Variants in L3MBTL4 observed in about 807,000 individuals in gnomAD.
L3MBTL4 encodes the protein L3MBTL histone methyl-lysine binding protein 4.
L3MBTL4 carries 70 observed loss-of-function variants against 84.5 expected under a neutral mutation model. That is an observed-to-expected ratio of 0.83 (90% CI 0.68 to 1.01). The LOEUF is 1.01. L3MBTL4 is among the 50% of genes least tolerant of loss of function. The pLI, the probability that L3MBTL4 is intolerant of heterozygous loss-of-function variation, is 0.00. For missense variants in L3MBTL4, 715 were observed against 754.8 expected, an observed-to-expected ratio of 0.95 and a Z score of 0.62; for synonymous variants, 274 against 259.8, an observed-to-expected ratio of 1.05 and a Z score of -0.52.
intron 16 of L3MBTL4, among the ~76,000 whole-genome samples, chr18:6,066,367 C>T (rs1217881467): frequency 2.0e-5 from 3 of 152,016 alleles, no homozygotes; most frequent in African/African-American, 4.8e-5. Flanking sequence ...CCTGTTAAGT[C>T]CATTTGTTCT....
chr18:6,175,369 A>C (rs1462632517), intron 12 of L3MBTL4, among the ~76,000 whole-genome samples: 2 of 152,180 alleles, frequency 1.3e-5, no homozygotes, highest in Non-Finnish European at 2.9e-5. Flanking sequence ...TAAAACAGAG[A>C]AATTTTCAGA....
chr18:5,995,179 C>T (rs917561426), intron 16 of L3MBTL4, among the ~76,000 whole-genome samples: 9 of 152,256 alleles, frequency 5.9e-5, no homozygotes, highest in Admixed American at 5.2e-4. Flanking sequence ...CTTTCCACAG[C>T]GGCGACCACG....
chr18:6,190,753 A>G (rs928199066), intron 12 of L3MBTL4, among the ~76,000 whole-genome samples: 2 of 152,204 alleles, frequency 1.3e-5, no homozygotes, highest in African/African-American at 4.8e-5. Flanking sequence ...GAAAGGTGAG[A>G]GCCGAGTTAG....
intron 12 of L3MBTL4, among the ~76,000 whole-genome samples, chr18:6,184,984 G>A (rs2044654411): frequency 1.3e-5 from 2 of 152,212 alleles, no homozygotes; most frequent in South Asian, 2.1e-4. Flanking sequence ...CCTAGTTAAT[G>A]GCTATGTCAT....
intron 16 of L3MBTL4, among the ~76,000 whole-genome samples, chr18:6,080,460 A>AT (rs2058037649): frequency 6.6e-6 from 1 of 152,138 alleles, no homozygotes; most frequent in African/African-American, 2.4e-5. Flanking sequence ...TGATGGTTTA[A>AT]TTTTTTGCCT....
chr18:6,189,811 TC>T (rs1241603979), intron 12 of L3MBTL4, among the ~76,000 whole-genome samples: 2 of 152,008 alleles, frequency 1.3e-5, no homozygotes, highest in Non-Finnish European at 2.9e-5. Context: ...AAAAGACAGA[TC>T]AATAGAAATT....
chr18:6,314,036 TGATA>T (rs5822890), intron 1 of L3MBTL4, among the ~76,000 whole-genome samples: 52,149 of 149,424 alleles, frequency 0.35, 9,210 homozygotes, highest in South Asian at 0.39. Context: ...GGATGGCAGA[TGATA>T]GATAGATAGA....
chr18:6,283,056 A>C (rs1171529392), intron 4 of L3MBTL4, among the ~76,000 whole-genome samples: 1 of 152,214 alleles, frequency 6.6e-6, no homozygotes, highest in African/African-American at 2.4e-5. Context: ...GGCTTTCCTA[A>C]GATGAGAGTG....
Position 6,247,564 on chromosome 18 carries a change from C to T in L3MBTL4, c.220-2976G>A, listed in dbSNP as rs375902395. 5.4e-5 allele frequency among the ~76,000 whole-genome samples: 8 copies of T among 148,884 alleles called. No individual in the cohort carries two copies. The East Asian group carries it at 1.2e-3, about 22-fold the overall frequency. On this transcript the variant is annotated intron_variant, in intron 5 of 18. Coordinates refer to ENST00000317931, the MANE Select transcript of L3MBTL4 (RefSeq NM_001330559.2). ...TGCCATCTCAGCTCACTGCAACCTC[C>T]GGCTCCCAGGTTCAAGCGATTCTCC... is the stretch of plus-strand genomic sequence containing the variant.
chr18:6,306,815 C>T (rs1053625206), intron 3 of L3MBTL4, among the ~76,000 whole-genome samples: 1 of 152,272 alleles, frequency 6.6e-6, no homozygotes. Context: ...TGTTGTTCTA[C>T]AGACAAAGAA....
At chr18:6,031,609 CAG>C (rs1275918322) in intron 16 of L3MBTL4, 1 of 941,204 alleles carries the variant, frequency 1.1e-6, no homozygotes, top group Non-Finnish European at 1.3e-6. Context: ...GTTGGCTGAG[CAG>C]AGAGGACATG....
At chr18:6,225,327 G>A (rs980029464) in intron 10 of L3MBTL4, among the ~76,000 whole-genome samples, 1 of 152,266 alleles carries the variant, frequency 6.6e-6, no homozygotes, top group Non-Finnish European at 1.5e-5. Context: ...AGTGGGGCTA[G>A]CCTGTCAGTC....
At chr18:6,359,112 T>A (rs185081207) in intron 1 of L3MBTL4, among the ~76,000 whole-genome samples, 1 of 152,206 alleles carries the variant, frequency 6.6e-6, no homozygotes, top group African/African-American at 2.4e-5. Flanking sequence ...TATTTAAAGG[T>A]ATAAAATTGA....
chr18:6,308,868 C>T (rs1157638884), intron 3 of L3MBTL4, among the ~76,000 whole-genome samples: 3 of 152,132 alleles, frequency 2.0e-5, no homozygotes, highest in Non-Finnish European at 2.9e-5. Flanking sequence ...TTAATTCTTA[C>T]TTTACTGCCT....
chr18:6,147,039 G>A (rs936470340), intron 13 of L3MBTL4, among the ~76,000 whole-genome samples: 1 of 151,972 alleles, frequency 6.6e-6, no homozygotes. Context: ...ATGCAGCAGT[G>A]GAGCAAGGTA....
chr18:6,395,796 T>C (rs975733081), intron 1 of L3MBTL4: 2 of 152,204 alleles, frequency 1.3e-5, no homozygotes, highest in Non-Finnish European at 2.9e-5. Context: ...TTGATCATTT[T>C]ATAATTTAAC....
intron 1 of L3MBTL4, among the ~76,000 whole-genome samples, chr18:6,351,858 T>C (rs910568873): frequency 1.3e-5 from 2 of 151,964 alleles, no homozygotes; most frequent in African/African-American, 4.8e-5. Flanking sequence ...GCCTAAATGT[T>C]GATTTTTTTA....
chr18:6,361,614 G>T (rs903259517), intron 1 of L3MBTL4, among the ~76,000 whole-genome samples: 1 of 152,168 alleles, frequency 6.6e-6, no homozygotes, highest in African/African-American at 2.4e-5. Flanking sequence ...ATGTGGAAAT[G>T]GAGGAAACCA....
chr18:6,154,192 T>C (rs1233333848), intron 13 of L3MBTL4, among the ~76,000 whole-genome samples: 1 of 152,228 alleles, frequency 6.6e-6, no homozygotes, highest in African/African-American at 2.4e-5. Flanking sequence ...TGAAGTCCAA[T>C]ACTATTAGTG....
Sources: allele counts gnomAD v4.1 joint callset (sites outside exome capture counted in the v4.1 genomes callset), GRCh38; gene constraint gnomAD v4.1.1; transcripts MANE v1.5; gene names NCBI Gene and HGNC (gene_info 2026-07-23, HGNC 2026-07-21).